CCDC85A: variants seen among roughly 807,000 people sequenced by gnomAD.
CCDC85A encodes coiled-coil domain containing 85A.
In CCDC85A, 38 loss-of-function variants were observed where a neutral mutation model predicts 50.2. That is an observed-to-expected ratio of 0.76 (90% confidence interval 0.58 to 0.99). CCDC85A has a LOEUF of 0.99. CCDC85A is among the 50% of genes least tolerant of loss of function. CCDC85A has a pLI of 0.00. For missense variants in CCDC85A, 820 were observed against 742.0 expected, an observed-to-expected ratio of 1.11 and a Z score of -1.22; for synonymous variants, 366 against 301.4, an observed-to-expected ratio of 1.21 and a Z score of -2.22.
At chr2:56,297,657 C>T (rs577850518) in intron 2 of CCDC85A, among the ~76,000 whole-genome samples, 9 of 152,222 alleles carry the variant, frequency 5.9e-5, no homozygotes, top group African/African-American at 2.2e-4. Context: ...AAGCCTTTTC[C>T]TCAGTAAGGT....
intron 2 of CCDC85A, among the ~76,000 whole-genome samples, chr2:56,337,981 C>T (rs766057521): frequency 6.6e-6 from 1 of 152,054 alleles, no homozygotes; most frequent in Non-Finnish European, 1.5e-5. Flanking sequence ...GACAGGGTTT[C>T]ACCATGTTGG....
At chr2:56,283,288 C>T (rs1671288081) in intron 2 of CCDC85A, among the ~76,000 whole-genome samples, 1 of 152,116 alleles carries the variant, frequency 6.6e-6, no homozygotes, top group South Asian at 2.1e-4. Flanking sequence ...TAATGTTCTT[C>T]CTTCTATTCC....
intron 4 of CCDC85A, 101 bp downstream of exon 4, chr2:56,372,579 T>C: frequency 7.8e-7 from 1 of 1,275,134 alleles, no homozygotes. Flanking sequence ...AACAAGTTCA[T>C]ACACATGAAA....
chr2:56,314,673 G>T (rs1476006666), intron 2 of CCDC85A, among the ~76,000 whole-genome samples: 6 of 152,136 alleles, frequency 3.9e-5, no homozygotes, highest in Non-Finnish European at 8.8e-5. Context: ...GAATTGGAAG[G>T]GATATAGCTT....
chr2:56,313,605 G>C (rs1284222547), intron 2 of CCDC85A, among the ~76,000 whole-genome samples: 1 of 152,136 alleles, frequency 6.6e-6, no homozygotes, highest in Non-Finnish European at 1.5e-5. Context: ...ACTCAGTTTT[G>C]CCAAACGTTT....
intron 2 of CCDC85A, among the ~76,000 whole-genome samples, chr2:56,201,676 T>C (rs1676753681): frequency 1.3e-5 from 2 of 152,134 alleles, no homozygotes; most frequent in Admixed American, 6.5e-5. Context: ...AGAAACCCAA[T>C]TGGTAGTGAA....
Position 56,297,391 on chromosome 2 carries a change from G to GC in CCDC85A, c.1241-45486dup, listed in dbSNP as rs959047522. 8.8e-5 allele frequency among the ~76,000 whole-genome samples: 12 copies of GC among 135,926 alleles called. No homozygotes were observed. In the Middle Eastern group the frequency reaches 0.011, roughly 124 times the overall value. The allele number at this position is 135,926 out of a possible 152,430, so 89.2% of individuals were successfully genotyped here. On this transcript the variant is annotated intron_variant, in intron 2 of 5. Coordinates refer to ENST00000407595, the MANE Select transcript of CCDC85A (RefSeq NM_001080433.2). Reference sequence around the variant, plus strand: ...TCTTTGGATACTAGTCTTTGTACGAGCCTTTTTTTTTTTTTTTAATTGTGT... The same window carrying GC: ...TCTTTGGATACTAGTCTTTGTACGAGCCCTTTTTTTTTTTTTTTAATTGTGT...
At chr2:56,333,923 G>A (rs932615388) in intron 2 of CCDC85A, among the ~76,000 whole-genome samples, 1 of 152,284 alleles carries the variant, frequency 6.6e-6, no homozygotes, top group African/African-American at 2.4e-5. Flanking sequence ...TCAAGCTGCT[G>A]TCACTTCCCT....
In CCDC85A at chr2:56,267,605, T is replaced by C. The variant is rs561903662; in HGVS notation, c.1240+74165T>C. 5.9e-5 allele frequency among the ~76,000 whole-genome samples: 9 copies of C among 152,254 alleles called. 1 individual carries two copies. Among genetic ancestry groups the C allele is most frequent in the African/African-American group, 2.2e-4 (9 of 41,544 alleles). ...GCATGCTGGCATCCACAGTGAGCCC[T>C]GGAGGCTTTTGAGAAGGTTTACTGA... On this transcript the variant is annotated intron_variant, in intron 2 of 5. Coordinates refer to ENST00000407595, the MANE Select transcript of CCDC85A (RefSeq NM_001080433.2).
At chr2:56,195,495 C>T (rs1314362846) in intron 2 of CCDC85A, among the ~76,000 whole-genome samples, 1 of 152,186 alleles carries the variant, frequency 6.6e-6, no homozygotes, top group Non-Finnish European at 1.5e-5. Flanking sequence ...AGTATATTTG[C>T]AGTGCATTTG....
At chr2:56,200,466 A>C (rs1420303863) in intron 2 of CCDC85A, among the ~76,000 whole-genome samples, 2 of 152,238 alleles carry the variant, frequency 1.3e-5, no homozygotes, top group Non-Finnish European at 1.5e-5. Flanking sequence ...TTGAGGATAC[A>C]GACATAAAGT....
chr2:56,353,102 G>T (rs974549429), intron 3 of CCDC85A, among the ~76,000 whole-genome samples: 1 of 152,038 alleles, frequency 6.6e-6, no homozygotes, highest in Non-Finnish European at 1.5e-5. Flanking sequence ...ACATCGTGGG[G>T]GGTTACTCTA....
At chr2:56,238,013 C>T (rs1274103717) in intron 2 of CCDC85A, among the ~76,000 whole-genome samples, 1 of 152,252 alleles carries the variant, frequency 6.6e-6, no homozygotes, top group South Asian at 2.1e-4. Context: ...CAGTGACTTT[C>T]CCAAATTCAT....
At position 56,352,534 on chromosome 2, in the gene CCDC85A, C is replaced by T. The variant is rs375228397; in HGVS notation, c.1317+9579C>T. ...CTAATTTTTGCATTTTTAATAGAGA[C>T]GGGGTCCCACCATGTTGGCCAGGGT... On this transcript the variant is annotated intron_variant, in intron 3 of 5. Coordinates refer to ENST00000407595, the MANE Select transcript of CCDC85A (RefSeq NM_001080433.2). 7.5e-4 allele frequency among the ~76,000 whole-genome samples: 114 copies of T among 152,150 alleles called. 1 individual carries two copies. The highest frequency in any genetic ancestry group is 2.5e-3 in the African/African-American group (105 of 41,494).
chr2:56,188,270 G>A (rs1443691938), intron 1 of CCDC85A, among the ~76,000 whole-genome samples: 1 of 152,192 alleles, frequency 6.6e-6, no homozygotes, highest in Admixed American at 6.5e-5. Flanking sequence ...GAAGGCAAAG[G>A]AAATAGCTCA....
At chr2:56,212,682 C>A (rs555579601) in intron 2 of CCDC85A, among the ~76,000 whole-genome samples, 1 of 151,888 alleles carries the variant, frequency 6.6e-6, no homozygotes, top group Admixed American at 6.6e-5. Context: ...TTGTGTGTAC[C>A]CGCACTGGTG....
At chr2:56,200,033 T>C (rs1676671181) in intron 2 of CCDC85A, among the ~76,000 whole-genome samples, 1 of 152,290 alleles carries the variant, frequency 6.6e-6, no homozygotes, top group African/African-American at 2.4e-5. Flanking sequence ...CACGCCTAGC[T>C]AATTTTTGTA....
chr2:56,323,887 A>T (rs763990529), intron 2 of CCDC85A, among the ~76,000 whole-genome samples: 1 of 152,100 alleles, frequency 6.6e-6, no homozygotes, highest in Non-Finnish European at 1.5e-5. Context: ...ATAGAGAACA[A>T]ATAGAATACA....
rs116196612 is a variant in CCDC85A, at chr2:56,189,427, G to A, written c.277-3050G>A. Among the ~76,000 whole-genome samples the A allele has an allele frequency of 3.1e-3, 478 of 151,774 alleles. 3 individuals are homozygous for A. Among genetic ancestry groups the A allele is most frequent in the African/African-American group, 0.011 (462 of 41,334 alleles). Reference sequence around the variant, plus strand: ...CTGCCTCAGGTTCCTGGGTACCTGGGATTACAGGCACGTGTCACCATGCTT... The same window carrying A: ...CTGCCTCAGGTTCCTGGGTACCTGGAATTACAGGCACGTGTCACCATGCTT... On this transcript the variant is annotated intron_variant, in intron 1 of 5. Transcript: ENST00000407595.
Sources: allele counts gnomAD v4.1 joint callset (sites outside exome capture counted in the v4.1 genomes callset), GRCh38; gene constraint gnomAD v4.1.1; transcripts MANE v1.5; gene names NCBI Gene and HGNC (gene_info 2026-07-23, HGNC 2026-07-21).